The following CCDC88A variants were observed in gnomAD, a reference collection of about 807,000 sequenced individuals.
CCDC88A encodes the protein girdin.
A neutral mutation model predicts 234.3 loss-of-function variants in CCDC88A; 54 were observed. The ratio of observed to expected loss-of-function variants is 0.23; its 90% confidence interval spans 0.19 to 0.29. CCDC88A has a LOEUF of 0.29. CCDC88A is among the 10% of genes least tolerant of loss of function. The probability of loss-of-function intolerance (pLI) is 1.00; values close to 1 mark genes in which losing one functional copy is unlikely to be tolerated. For synonymous variants in CCDC88A, 753 were observed against 737.8 expected (o/e 1.02, Z -0.33); for missense variants, 1,832 against 2,123.4 (o/e 0.86, Z 2.70).
At chr2:55,316,492 G>C (rs1056182080) in intron 21 of CCDC88A, among the ~76,000 whole-genome samples, 1 of 152,120 alleles carries the variant, frequency 6.6e-6, no homozygotes, top group African/African-American at 2.4e-5. Flanking sequence ...GAAGCAGGAG[G>C]ATCACTTGAG....
chr2:55,371,089 TA>T (rs1403649584), intron 5 of CCDC88A, among the ~76,000 whole-genome samples: 1 of 152,104 alleles, frequency 6.6e-6, no homozygotes, highest in Non-Finnish European at 1.5e-5. Flanking sequence ...TAACCAGCAA[TA>T]AAAACCATAT....
In CCDC88A at chr2:55,346,856, A is replaced by G. The variant is rs180891462; in HGVS notation, c.883-523T>C. On this transcript the variant is annotated intron_variant, in intron 9 of 32. Coordinates refer to ENST00000436346, the MANE Select transcript of CCDC88A (RefSeq NM_001365480.1). The stretch of plus-strand genomic sequence containing the variant: ...CCATTATCGTGGATATGTTACTAAA[A>G]TTTTTTTAAAACCTTTTTAAAAAAA... 2.9e-3 allele frequency among the ~76,000 whole-genome samples: 449 copies of G among 152,224 alleles called. 3 individuals carry two copies. Among genetic ancestry groups the G allele is most frequent in the African/African-American group, 9.1e-3 (378 of 41,540 alleles).
intron 5 of CCDC88A, among the ~76,000 whole-genome samples, chr2:55,371,390 T>TA (rs1041163735): frequency 6.6e-6 from 1 of 152,172 alleles, no homozygotes; most frequent in African/African-American, 2.4e-5. Flanking sequence ...TATATGTATG[T>TA]AAAAAAATTA....
chr2:55,335,113 A>C lies in CCDC88A; in HGVS notation c.1708T>G (p.Leu570Val). ...NEHLNQTVSSLRQRSQISAEA... is the reference protein window; with the variant it reads ...NEHLNQTVSSVRQRSQISAEA... ...GCACTTATCTGGGACCGCTGCCTTA[A>C]GGAAGACACTGTTTGATTCAGATGT... Residue 570 changes from leucine to valine, a missense_variant, in exon 15 of 33, where the codon TTA becomes GTA. This residue lies in a region of CCDC88A where 1,282 missense variants were observed against 1,543.6 expected (regional missense o/e 0.83). Transcript: ENST00000436346. This position sits in a 1 kb window ranked among gnomAD's most constrained non-coding sequence, Gnocchi z 4.5. 6.3e-7 allele frequency: 1 copy of C among 1,582,434 alleles called. No individual in the cohort carries two copies. The highest frequency in any genetic ancestry group is 8.6e-7 in the Non-Finnish European group (1 of 1,168,686).
chr2:55,294,853 CAAAGT>C, intron 31 of CCDC88A: 1 of 1,044,208 alleles, frequency 9.6e-7, no homozygotes. Flanking sequence ...AGAAAATGGA[CAAAGT>C]AATTAATATT....
At chr2:55,407,863 A>T (rs1395984152) in intron 2 of CCDC88A, among the ~76,000 whole-genome samples, 1 of 147,712 alleles carries the variant, frequency 6.8e-6, no homozygotes, top group African/African-American at 2.5e-5. Context: ...GATTACAGGC[A>T]CCCACCACCA....
At chr2:55,352,398 G>A (rs1217259388) in intron 8 of CCDC88A, among the ~76,000 whole-genome samples, 1 of 150,716 alleles carries the variant, frequency 6.6e-6, no homozygotes, top group Non-Finnish European at 1.5e-5. Flanking sequence ...TTGCACTCCA[G>A]CCTGGGCAAC....
Position 55,296,431 on chromosome 2 carries a change from T to C in CCDC88A, c.4918A>G (p.Ser1640Gly). 6.2e-7 allele frequency: 1 copy of C among 1,614,202 alleles called. No individual in the cohort carries two copies. Among genetic ancestry groups the C allele is most frequent in the Non-Finnish European group, 8.5e-7 (1 of 1,180,006 alleles). Residue 1640 changes from serine to glycine, a missense_variant, in exon 30 of 33, where the codon AGC becomes GGC. Physicochemically the swap from Ser to Gly is moderately conservative, Grantham distance 56. Transcript: ENST00000436346. ...HDHEAWSSSG[S>G]SPIQYLKRQT... is the part of the protein sequence containing the mutation. ...CTTTTCAAGTACTGGATTGGACTGC[T>C]ACCACTGCTGGACCAAGCCTCATGG...
In CCDC88A at chr2:55,334,542, C is replaced by A. The variant is rs766080231; in HGVS notation, c.2279G>T (p.Gly760Val). Residue 760 changes from glycine to valine, a missense_variant, in exon 15 of 33, where the codon GGT (glycine) becomes GTT (valine). Transcript: ENST00000436346. The surrounding 1 kb of genome is among the most constrained non-coding windows in gnomAD (Gnocchi z 6.1). ...CAGTCTTTGATTTTCTATATCTAAA[C>A]CCTGGTAGCTAACTTCTAAGCGTTC... ...KTERLEVSYQ[G>V]LDIENQRLQK... is the part of the protein sequence containing the mutation. The A allele has an allele frequency of 4.2e-5, 67 of 1,612,204 alleles. No individual in the cohort carries two copies. Among genetic ancestry groups the A allele is most frequent in the Non-Finnish European group, 5.5e-5 (65 of 1,179,606 alleles).
At chr2:55,395,855 A>C (rs1054804512) in intron 2 of CCDC88A, among the ~76,000 whole-genome samples, 2 of 152,224 alleles carry the variant, frequency 1.3e-5, no homozygotes, top group African/African-American at 4.8e-5. Flanking sequence ...AAAAACTCAG[A>C]ATAGCCCAAG....
intron 25 of CCDC88A, chr2:55,308,559 T>A (rs1305597079): frequency 2.4e-6 from 1 of 413,476 alleles, no homozygotes; most frequent in Admixed American, 4.1e-5. Context: ...GCAGAGGTAT[T>A]CCAGCTCTTA....
At chr2:55,320,952 A>C (rs939214795) in intron 18 of CCDC88A, 4 of 152,048 alleles carry the variant, frequency 2.6e-5, no homozygotes, top group African/African-American at 4.8e-5. Context: ...TCTACAAAAA[A>C]TACAAAAATT....
At chr2:55,363,896 T>C (rs1671630392) in intron 6 of CCDC88A, 54 bp downstream of exon 6, 2 of 962,164 alleles carry the variant, frequency 2.1e-6, no homozygotes, top group Non-Finnish European at 1.6e-6. Flanking sequence ...GATAGACAAA[T>C]AAACACACCA....
intron 2 of CCDC88A, among the ~76,000 whole-genome samples, chr2:55,396,589 A>G (rs530939185): frequency 2.0e-5 from 3 of 152,156 alleles, no homozygotes; most frequent in African/African-American, 7.2e-5. Context: ...AAAAGGTTGC[A>G]CCTGGGTGCG....
At chr2:55,391,859 T>C (rs569180052) in intron 2 of CCDC88A, among the ~76,000 whole-genome samples, 12 of 152,330 alleles carry the variant, frequency 7.9e-5, no homozygotes, top group Admixed American at 1.3e-4. Flanking sequence ...CAATAATGAA[T>C]GGATGTTCTT....
chr2:55,383,032 G>C (rs1674842116), intron 3 of CCDC88A, among the ~76,000 whole-genome samples: 2 of 146,458 alleles, frequency 1.4e-5, no homozygotes, highest in South Asian at 4.4e-4. Context: ...AATGACATTA[G>C]AATTTGTATT....
chr2:55,350,493 A>C (rs547211786), intron 8 of CCDC88A: 1 of 151,934 alleles, frequency 6.6e-6, no homozygotes, highest in Non-Finnish European at 1.5e-5. Flanking sequence ...GCCTCCACTT[A>C]CTATCTCTAC....
chr2:55,370,038 A>G (rs1180589209), intron 5 of CCDC88A, among the ~76,000 whole-genome samples: 1 of 152,092 alleles, frequency 6.6e-6, no homozygotes, highest in Non-Finnish European at 1.5e-5. Context: ...GAATGATAAC[A>G]TTTTTCAAAA....
chr2:55,312,118 C>G (rs1682422569), intron 23 of CCDC88A, among the ~76,000 whole-genome samples: 1 of 152,128 alleles, frequency 6.6e-6, no homozygotes, highest in Non-Finnish European at 1.5e-5. Flanking sequence ...TTCACCTTGC[C>G]TCTCCCAGAC....
Sources: gnomAD v4.1 joint callset for allele counts (sites outside exome capture counted in the v4.1 genomes callset) on GRCh38, gnomAD v4.1.1 for gene constraint, gnomAD v4.1.1 regional missense constraint, Gnocchi (gnomAD v3.1) non-coding constraint, MANE v1.5 for transcripts, NCBI Gene and HGNC (gene_info 2026-07-23, HGNC 2026-07-21) for gene names.